SORCS3: variants seen among roughly 807,000 people sequenced by gnomAD.
SORCS3 encodes the protein VPS10 domain-containing receptor SorCS3.
A neutral mutation model predicts 146.3 loss-of-function variants in SORCS3; 57 were observed. The ratio of observed to expected loss-of-function variants is 0.39; its 90% confidence interval spans 0.31 to 0.49. The LOEUF (loss-of-function observed/expected upper bound fraction) is 0.49, where lower values mean the gene tolerates loss of function less well. Among genes scored for constraint, SORCS3 ranks in the 20% least tolerant of loss-of-function variants. The probability of loss-of-function intolerance (pLI) is 0.92; values close to 1 mark genes in which losing one functional copy is unlikely to be tolerated. For missense variants in SORCS3, 1,341 were observed against 1,575.5 expected (o/e 0.85, Z 2.52); for synonymous variants, 653 against 618.5 (o/e 1.06, Z -0.83).
chr10:104,976,129 C>T (rs534911184), intron 3 of SORCS3, among the ~76,000 whole-genome samples: 7 of 152,290 alleles, frequency 4.6e-5, no homozygotes, highest in African/African-American at 1.7e-4. Flanking sequence ...AGGCAACCCA[C>T]ACAATGGGAG....
chr10:105,105,596 C>A, intron 7 of SORCS3, 81 bp downstream of exon 7: 1 of 974,060 alleles, frequency 1.0e-6, no homozygotes, highest in South Asian at 1.3e-5. Flanking sequence ...GGGTGGCTTT[C>A]CCAAGGTTGT....
intron 1 of SORCS3, among the ~76,000 whole-genome samples, chr10:104,745,860 C>T (rs2016902701): frequency 6.6e-6 from 1 of 152,172 alleles, no homozygotes. Context: ...GCTTATTTCA[C>T]TCAGCATAAT....
chr10:104,688,793 A>G (rs1448527944), intron 1 of SORCS3, among the ~76,000 whole-genome samples: 2 of 151,990 alleles, frequency 1.3e-5, no homozygotes, highest in East Asian at 1.9e-4. Flanking sequence ...CACAGACTCT[A>G]TTCCCTCCAC....
At chr10:105,022,585 A>C (rs2133689799) in intron 4 of SORCS3, among the ~76,000 whole-genome samples, 1 of 152,238 alleles carries the variant, frequency 6.6e-6, no homozygotes, top group South Asian at 2.1e-4. Context: ...CTCCAAAAAT[A>C]TTAATTTTTT....
chr10:104,906,386 G>A (rs774517866), intron 2 of SORCS3, among the ~76,000 whole-genome samples: 7 of 152,154 alleles, frequency 4.6e-5, no homozygotes, highest in African/African-American at 9.7e-5. Flanking sequence ...GGAATGAGAT[G>A]GCGTTAGCCT....
At chr10:105,030,990 G>T (rs2055262687) in intron 4 of SORCS3, among the ~76,000 whole-genome samples, 1 of 151,604 alleles carries the variant, frequency 6.6e-6, no homozygotes, top group Non-Finnish European at 1.5e-5. Context: ...CAACATTCAA[G>T]TACCTTTAAA....
chr10:104,691,820 A>G (rs2016116582), intron 1 of SORCS3, among the ~76,000 whole-genome samples: 3 of 152,038 alleles, frequency 2.0e-5, no homozygotes, highest in Non-Finnish European at 4.4e-5. Context: ...AGCTCACCAT[A>G]ACTTCAAACT....
At chr10:105,053,406 A>G (rs527457154) in intron 5 of SORCS3, among the ~76,000 whole-genome samples, 23 of 152,076 alleles carry the variant, frequency 1.5e-4, no homozygotes, top group South Asian at 8.3e-4. Flanking sequence ...ATACAAATGT[A>G]TTGTTTAAAA....
In SORCS3 at chr10:105,217,044, G is replaced by C. The variant is rs755501681; in HGVS notation, c.2656G>C (p.Ala886Pro). The C allele has an allele frequency of 3.7e-6, 6 of 1,614,182 alleles. No individual in the cohort carries two copies. Among genetic ancestry groups the C allele is most frequent in the Non-Finnish European group, 3.4e-6 (4 of 1,180,020 alleles). The change falls in exon 19 of 27, where the codon GCG becomes CCG. Residue 886 changes from alanine to proline, a missense_variant. Transcript: ENST00000369701. The stretch of plus-strand genomic sequence containing the variant: ...CGGCATCAAGCACGTGTATAAGAGT[G>C]CGGGGATCTTCCAGGTGACAGCCTA... ...EDGIKHVYKS[A>P]GIFQVTAYAE...
intron 2 of SORCS3, among the ~76,000 whole-genome samples, chr10:104,899,559 C>T (rs920751900): frequency 8.5e-5 from 13 of 152,194 alleles, no homozygotes; most frequent in African/African-American, 2.7e-4. Flanking sequence ...GTTATGCTCT[C>T]ACACCTTGGA....
At chr10:104,945,958 C>A (rs2019366694) in intron 3 of SORCS3, among the ~76,000 whole-genome samples, 1 of 152,100 alleles carries the variant, frequency 6.6e-6, no homozygotes. Flanking sequence ...GGCACCCTGG[C>A]TTCAGGAAGA....
intron 2 of SORCS3, among the ~76,000 whole-genome samples, chr10:104,848,309 C>A (rs933655395): frequency 3.9e-5 from 6 of 152,038 alleles, no homozygotes. Context: ...TGTCAGTGAC[C>A]TTTCTCGGGG....
At chr10:105,165,370 G>A (rs1395116640) in intron 12 of SORCS3, among the ~76,000 whole-genome samples, 1 of 152,176 alleles carries the variant, frequency 6.6e-6, no homozygotes, top group Non-Finnish European at 1.5e-5. Flanking sequence ...AAGTGAGACA[G>A]TTTCTCCGTG....
chr10:105,163,480 A>G (rs2056284117), intron 11 of SORCS3, among the ~76,000 whole-genome samples: 2 of 152,248 alleles, frequency 1.3e-5, no homozygotes, highest in South Asian at 4.1e-4. Flanking sequence ...TCATTCCACA[A>G]TTATTTATTG....
intron 3 of SORCS3, among the ~76,000 whole-genome samples, chr10:104,963,179 G>T (rs1296280782): frequency 3.9e-5 from 6 of 152,160 alleles, no homozygotes. Context: ...TAGATAGTTT[G>T]CTAGAAGACA....
intron 1 of SORCS3, among the ~76,000 whole-genome samples, chr10:104,674,169 A>G (rs2015887536): frequency 6.6e-6 from 1 of 152,186 alleles, no homozygotes; most frequent in South Asian, 2.1e-4. Context: ...TCTTTCTTCT[A>G]TTAAGTTTTG....
intron 4 of SORCS3, among the ~76,000 whole-genome samples, chr10:104,988,027 C>A (rs2054972431): frequency 6.6e-6 from 1 of 152,158 alleles, no homozygotes; most frequent in Non-Finnish European, 1.5e-5. Context: ...GTGGCACTGA[C>A]AAATTCTCTC....
intron 13 of SORCS3, among the ~76,000 whole-genome samples, chr10:105,173,703 G>GATTT (rs1173652465): frequency 2.0e-5 from 3 of 152,082 alleles, no homozygotes; most frequent in Non-Finnish European, 4.4e-5. Flanking sequence ...GGTCCTTCAT[G>GATTT]ATTTGACTTC....
chr10:104,990,183 A>ATAGATACC (rs2054985131), intron 4 of SORCS3, among the ~76,000 whole-genome samples: 1 of 152,196 alleles, frequency 6.6e-6, no homozygotes. Context: ...AATTTGGTGT[A>ATAGATACC]TAGATACCTC....
Sources: gnomAD v4.1 joint callset for allele counts (sites outside exome capture counted in the v4.1 genomes callset) on GRCh38, gnomAD v4.1.1 for gene constraint, MANE v1.5 for transcripts, NCBI Gene and HGNC (gene_info 2026-07-23, HGNC 2026-07-21) for gene names.